COL20A1: variants seen among roughly 807,000 people sequenced by gnomAD.
The protein encoded by COL20A1 is collagen alpha-1(XX) chain.
A neutral mutation model predicts 152.9 loss-of-function variants in COL20A1; 164 were observed. That is an observed-to-expected ratio of 1.07 (90% CI 0.94 to 1.22). The LOEUF (loss-of-function observed/expected upper bound fraction) is 1.22, where lower values mean the gene tolerates loss of function less well. COL20A1 is among the 50% of genes most tolerant of loss of function. The pLI, the probability that COL20A1 is intolerant of heterozygous loss-of-function variation, is 0.00. For missense variants in COL20A1, 1,873 were observed against 1,744.8 expected (o/e 1.07, Z -1.31); for synonymous variants, 864 against 756.0 (o/e 1.14, Z -2.34).
In COL20A1 at chr20:63,312,489, C is replaced by A. The variant is rs769654778; in HGVS notation, c.1873C>A (p.Arg625Ser). The change falls in exon 15 of 36, where the codon CGT (arginine) becomes AGT (serine). Residue 625 changes from arginine (R) to serine (S), a missense_variant. Physicochemically the swap from Arg to Ser is moderately radical, Grantham distance 110. Coordinates refer to ENST00000358894, the MANE Select transcript of COL20A1 (RefSeq NM_020882.4). ...PLSSSTTYTV[R>S]VTCLYPGGGS... Reference sequence around the variant, plus strand: ...CTCTTCCTCCACCACCTACACTGTCCGTGTCACCTGCCTCTACCCTGGGGG... The same window carrying A: ...CTCTTCCTCCACCACCTACACTGTCAGTGTCACCTGCCTCTACCCTGGGGG... 3 of 1,608,846 alleles carry A rather than the reference C, an allele frequency of 1.9e-6. No individual in the cohort carries two copies. The highest frequency in any genetic ancestry group is 1.3e-5 in the African/African-American group (1 of 74,948).
rs772983475 is a variant in COL20A1 at position 63,310,432 on chromosome 20, C to T, written c.1315C>T (p.Arg439Cys). Reference sequence around the variant, plus strand: ...CACGGAGCTGCACAACCTGGCCTCCCGCACAGAGTACCTGGTCTCCGTGTT... The same window carrying T: ...CACGGAGCTGCACAACCTGGCCTCCTGCACAGAGTACCTGGTCTCCGTGTT... Reference protein sequence around the residue: ...ASTELHNLASRTEYLVSVFPI... With the variant: ...ASTELHNLASCTEYLVSVFPI... Residue 439 changes from arginine to cysteine, a missense_variant, in exon 11 of 36, where the codon CGC becomes TGC. Transcript: ENST00000358894. 1.1e-5 allele frequency: 18 copies of T among 1,610,112 alleles called. No individual in the cohort carries two copies. In the Admixed American group the frequency reaches 1.7e-4, roughly 15 times the overall value.
At chr20:63,296,235 C>T (rs1173431789) in intron 2 of COL20A1, among the ~76,000 whole-genome samples, 1 of 152,274 alleles carries the variant, frequency 6.6e-6, no homozygotes, top group Non-Finnish European at 1.5e-5. Context: ...GGTAACCCTG[C>T]CCTGGGGCCA....
In COL20A1 at chr20:63,325,659, C is replaced by G; in HGVS notation, c.3349-9C>G. 2 of 1,606,758 alleles carry G rather than the reference C, an allele frequency of 1.2e-6. No individual in the cohort carries two copies. The highest frequency in any genetic ancestry group is 1.7e-6 in the Non-Finnish European group (2 of 1,177,766). On this transcript the variant is annotated splice_polypyrimidine_tract_variant and intron_variant, in intron 28 of 35. Transcript: ENST00000358894. ...CCCCTGCCTGGCCGGCCCCTCTGTTCTCTCCCAGGGCCACCCCGGCCACCA... is the reference window on the plus strand; with the variant it reads ...CCCCTGCCTGGCCGGCCCCTCTGTTGTCTCCCAGGGCCACCCCGGCCACCA...
rs374559073 is a variant in COL20A1 at position 63,310,342 on chromosome 20, C to G, written c.1264-39C>G. 4 of 1,604,800 alleles carry G rather than the reference C, an allele frequency of 2.5e-6. No individual in the cohort carries two copies. The South Asian group carries it at 3.4e-5, about 13-fold the overall frequency. On this transcript the variant is annotated intron_variant, in intron 10 of 35. Coordinates refer to ENST00000358894, the MANE Select transcript of COL20A1 (RefSeq NM_020882.4). ...CTGTCCTGCTCCCCATCCCCCGGCA[C>G]CCCCCTTCCTGGCTCCGTCCTTGCC...
In COL20A1 at chr20:63,297,972, T is replaced by G; in HGVS notation, c.145T>G (p.Ser49Ala). Residue 49 changes from serine to alanine, a missense_variant, in exon 3 of 36, where the codon TCG (serine) becomes GCG (alanine). Coordinates refer to ENST00000358894, the MANE Select transcript of COL20A1 (RefSeq NM_020882.4). ...EDRLQMKWRESEGSGLGYLVQ... is the reference protein window; with the variant it reads ...EDRLQMKWREAEGSGLGYLVQ... The stretch of plus-strand genomic sequence containing the variant: ...CCGGCTGCAGATGAAGTGGAGAGAG[T>G]CGGAGGGGAGCGGCCTCGGCTACCT... 6.2e-7 allele frequency: 1 copy of G among 1,612,790 alleles called. No individual in the cohort carries two copies. The highest frequency in any genetic ancestry group is 8.5e-7 in the Non-Finnish European group (1 of 1,179,718).
intron 20 of COL20A1, 79 bp from the exon 21 acceptor site, chr20:63,316,474 T>TC (rs2068085668): frequency 1.6e-6 from 2 of 1,224,530 alleles, no homozygotes; most frequent in Non-Finnish European, 2.2e-6. Flanking sequence ...CCCTCTTGAG[T>TC]CCCCGCTCCT....
chr20:63,316,444 C>A, intron 20 of COL20A1, 109 bp from the exon 21 acceptor site: 2 of 752,432 alleles, frequency 2.7e-6, no homozygotes, highest in African/African-American at 1.8e-5. Context: ...CTCCCTCCCA[C>A]CGCACTGCAG....
chr20:63,312,833 C>T lies in COL20A1; in HGVS notation c.1975C>T (p.Pro659Ser), dbSNP rs1321421322. The T allele has an allele frequency of 6.4e-7, 1 of 1,561,210 alleles. No homozygotes were observed. The highest frequency in any genetic ancestry group is 8.7e-7 in the Non-Finnish European group (1 of 1,152,586). Residue 659 changes from proline to serine, a missense_variant, in exon 16 of 36, where the codon CCA becomes TCA. Physicochemically the swap from Pro to Ser is moderately conservative, Grantham distance 74. Coordinates refer to ENST00000358894, the MANE Select transcript of COL20A1 (RefSeq NM_020882.4). ...SPSQLSMTEL[P>S]GDAVQLAWVA... ...AAGCCAGCTGTCCATGACGGAGCTGCCAGGGGATGCAGTCCAGCTGGCGTG... is the reference window on the plus strand; with the variant it reads ...AAGCCAGCTGTCCATGACGGAGCTGTCAGGGGATGCAGTCCAGCTGGCGTG...
Position 63,320,184 on chromosome 20 carries a change from G to A in COL20A1, c.3062G>A (p.Ser1021Asn). 2 of 1,574,042 alleles carry A rather than the reference G, an allele frequency of 1.3e-6. No homozygotes were observed. The highest frequency in any genetic ancestry group is 1.7e-6 in the Non-Finnish European group (2 of 1,162,542). Residue 1021 changes from serine (S) to asparagine (N), a missense_variant, in exon 24 of 36, where the codon AGC (serine) becomes AAC (asparagine). Ser to Asn is a conservative substitution (Grantham distance 46). Transcript: ENST00000358894. The stretch of plus-strand genomic sequence containing the variant: ...CTGGCCAAGGCCAGGGGCCCCCGGA[G>A]CAGTTCGGCCGCGGTGAGTTGGGCC... ...GRLAKARGPRSSSAAFQLQML... is the reference protein window; with the variant it reads ...GRLAKARGPRNSSAAFQLQML...
In COL20A1 at chr20:63,306,392, T is replaced by C. The variant is rs1343074517; in HGVS notation, c.496+353T>C. Among the ~76,000 whole-genome samples the C allele has an allele frequency of 5.3e-5, 8 of 152,252 alleles. No individual in the cohort carries two copies. Among genetic ancestry groups the C allele is most frequent in the Admixed American group, 5.2e-4 (8 of 15,284 alleles). ...TCCTCGTGTCTGACCACACGGTCTC[T>C]GGCTTTAACTTAAAGTTGCCATGTT... On this transcript the variant is annotated intron_variant, in intron 5 of 35. Transcript: ENST00000358894. This position sits in a 1 kb window ranked among gnomAD's most constrained non-coding sequence, Gnocchi z 6.9.
Position 63,331,869 on chromosome 20 carries a change from C to T in COL20A1, c.*1153C>T, listed in dbSNP as rs1410370071. On this transcript the variant is annotated 3_prime_UTR_variant, in exon 36 of 36. Coordinates refer to ENST00000358894, the MANE Select transcript of COL20A1 (RefSeq NM_020882.4). ...GATCACCAGTGCAGCATTGCGTGCA[C>T]CAAAGCATACCCCAAAGAGGTGAGC... The T allele has an allele frequency of 2.0e-5, 3 of 151,950 alleles. No individual in the cohort carries two copies. Among genetic ancestry groups the T allele is most frequent in the Non-Finnish European group, 4.4e-5 (3 of 68,006 alleles). The allele number at this position is 151,950 out of a possible 1,614,324, so 9.4% of individuals were successfully genotyped here. A position where few individuals can be genotyped will look rare whatever the true frequency, so the allele number is the denominator to read the frequency against.
intron 2 of COL20A1, among the ~76,000 whole-genome samples, chr20:63,295,638 A>G (rs948044065): frequency 3.3e-5 from 5 of 152,150 alleles, no homozygotes; most frequent in African/African-American, 1.2e-4. Context: ...CCTGGGCGAC[A>G]GCACCACGTC....
Position 63,313,739 on chromosome 20 carries a change from C to G in COL20A1, c.2210-4C>G, listed in dbSNP as rs201736458. On this transcript the variant is annotated splice_region_variant and splice_polypyrimidine_tract_variant and intron_variant, in intron 17 of 35. Transcript: ENST00000358894. The surrounding 1 kb of genome is among the most constrained non-coding windows in gnomAD (Gnocchi z 5.9). ...AGCCCCACACAACCCATGCTCTCGGCCAGCCACGGTGAGCAGGAGCCCACC... is the reference window on the plus strand; with the variant it reads ...AGCCCCACACAACCCATGCTCTCGGGCAGCCACGGTGAGCAGGAGCCCACC... 428 of 1,576,672 alleles carry G rather than the reference C, an allele frequency of 2.7e-4. 5 individuals carry two copies. In the East Asian group the frequency reaches 9.3e-3, roughly 34 times the overall value.
At chr20:63,293,625 G>A (rs2067743669) in intron 1 of COL20A1, among the ~76,000 whole-genome samples, 1 of 152,144 alleles carries the variant, frequency 6.6e-6, no homozygotes, top group South Asian at 2.1e-4. Flanking sequence ...GTCAAGCCAG[G>A]TTTCTGGGGT....
chr20:63,311,551 C>A lies in COL20A1; in HGVS notation c.1539+12C>A, dbSNP rs765991581. 1.9e-6 allele frequency: 3 copies of A among 1,597,200 alleles called. No individual in the cohort carries two copies. The highest frequency in any genetic ancestry group is 2.6e-6 in the Non-Finnish European group (3 of 1,171,658). Reference sequence around the variant, plus strand: ...AGGAGGAGCGAGAGGTGAGCTGGGCCGGGGGGTGGCGGGGGAGGCAGAGGA... The same window carrying A: ...AGGAGGAGCGAGAGGTGAGCTGGGCAGGGGGGTGGCGGGGGAGGCAGAGGA... On this transcript the variant is annotated intron_variant, in intron 12 of 35. Transcript: ENST00000358894. The surrounding 1 kb of genome is among the most constrained non-coding windows in gnomAD (Gnocchi z 4.4).
rs970618173 is a variant in COL20A1, at chr20:63,306,603, G to A, written c.496+564G>A. ...GGGCCCTGCCCAGCCGGCCCCAGGCGTGGAGAGGTAGAGCCACACCAGGAC... is the reference window on the plus strand; with the variant it reads ...GGGCCCTGCCCAGCCGGCCCCAGGCATGGAGAGGTAGAGCCACACCAGGAC... On this transcript the variant is annotated intron_variant, in intron 5 of 35. Transcript: ENST00000358894. The surrounding 1 kb of genome is among the most constrained non-coding windows in gnomAD (Gnocchi z 6.9). Among the ~76,000 whole-genome samples, 2 of 150,690 alleles carry A rather than the reference G, an allele frequency of 1.3e-5. No homozygotes were observed. The highest frequency in any genetic ancestry group is 2.9e-5 in the Non-Finnish European group (2 of 67,996).
chr20:63,329,951 A>G (rs959500642), intron 35 of COL20A1, among the ~76,000 whole-genome samples: 1 of 152,102 alleles, frequency 6.6e-6, no homozygotes, highest in African/African-American at 2.4e-5. Context: ...ACCTCGTGGG[A>G]TGCAGAGTTG....
At position 63,319,716 on chromosome 20, in the gene COL20A1, G is replaced by T; in HGVS notation, c.2916+120G>T. The stretch of plus-strand genomic sequence containing the variant: ...GGAGAGCAGGACCTTCCTTGGGAGG[G>T]AACATTGACCTGGGGCTCTGTTCCT... On this transcript the variant is annotated intron_variant, in intron 23 of 35. Transcript: ENST00000358894. The surrounding 1 kb of genome is among the most constrained non-coding windows in gnomAD (Gnocchi z 4.4). 1.5e-6 allele frequency: 1 copy of T among 670,480 alleles called. No individual in the cohort carries two copies. Among genetic ancestry groups the T allele is most frequent in the Non-Finnish European group, 2.6e-6 (1 of 391,232 alleles). The allele number at this position is 670,480 out of a possible 1,614,324, so 41.5% of individuals were successfully genotyped here.
chr20:63,312,868 A>G lies in COL20A1; in HGVS notation c.2010A>G (p.Ala670=). Residue 670 remains alanine, a synonymous_variant, in exon 16 of 36, where the codon GCA becomes GCG. Coordinates refer to ENST00000358894, the MANE Select transcript of COL20A1 (RefSeq NM_020882.4). The part of the protein sequence containing the change: ...GDAVQLAWVA[A]APSGVLVYQI... Reference sequence around the variant, plus strand: ...CAGTCCAGCTGGCGTGGGTGGCCGCAGCCCCGTCTGGCGTGCTTGTCTACC... The same window carrying G: ...CAGTCCAGCTGGCGTGGGTGGCCGCGGCCCCGTCTGGCGTGCTTGTCTACC... 6.4e-7 allele frequency: 1 copy of G among 1,557,170 alleles called. No individual in the cohort carries two copies. Among genetic ancestry groups the G allele is most frequent in the Non-Finnish European group, 8.7e-7 (1 of 1,150,726 alleles).
Sources: gnomAD v4.1 joint callset for allele counts (sites outside exome capture counted in the v4.1 genomes callset) on GRCh38, gnomAD v4.1.1 for gene constraint, Gnocchi (gnomAD v3.1) non-coding constraint, MANE v1.5 for transcripts, NCBI Gene and HGNC (gene_info 2026-07-23, HGNC 2026-07-21) for gene names.